Variants in GPD1L observed in about 807,000 individuals in gnomAD.
The protein encoded by GPD1L is glycerol-3-phosphate dehydrogenase 1-like protein.
In GPD1L, 17 loss-of-function variants were observed where a neutral mutation model predicts 32.9. The ratio of observed to expected loss-of-function variants is 0.52; its 90% confidence interval spans 0.35 to 0.78. The LOEUF (loss-of-function observed/expected upper bound fraction) is 0.78. Ranked by LOEUF, GPD1L falls within the 30% of genes least tolerant of loss-of-function variation. GPD1L has a pLI of 0.01. For synonymous variants in GPD1L, 187 were observed against 165.9 expected, an observed-to-expected ratio of 1.13 and a Z score of -0.98; for missense variants, 361 against 447.8, an observed-to-expected ratio of 0.81 and a Z score of 1.75.
intron 1 of GPD1L, among the ~76,000 whole-genome samples, chr3:32,118,804 G>A (rs1273326288): frequency 6.6e-5 from 10 of 152,054 alleles, no homozygotes; most frequent in African/African-American, 1.2e-4. Context: ...TGGAAACCAC[G>A]CTTCTACTTT....
At chr3:32,128,413 G>A (rs532289551) in intron 2 of GPD1L, among the ~76,000 whole-genome samples, 160 bp downstream of exon 2, 1 of 152,224 alleles carries the variant, frequency 6.6e-6, no homozygotes, top group Non-Finnish European at 1.5e-5. Context: ...TCTGAAAATG[G>A]GTTTCCTATT....
Position 32,159,617 on chromosome 3 carries a change from G to A in GPD1L, c.902G>A (p.Gly301Glu), listed in dbSNP as rs757152405. The A allele has an allele frequency of 6.2e-7, 1 of 1,613,286 alleles. No individual in the cohort carries two copies. Among genetic ancestry groups the A allele is most frequent in the South Asian group, 1.1e-5 (1 of 91,066 alleles). The change falls in exon 7 of 8, where the codon GGA becomes GAA. Residue 301 changes from glycine (G) to glutamate (E), a missense_variant. Coordinates refer to ENST00000282541, the MANE Select transcript of GPD1L (RefSeq NM_015141.4). ...ATGCTGAATGGGCAAAAGCTCCAAG[G>A]ACCGCAGACTTCTGCTGAAGTGTAC... ...KEMLNGQKLQ[G>E]PQTSAEVYRI...
intron 5 of GPD1L, chr3:32,151,084 T>G (rs190571261): frequency 1.9e-4 from 76 of 394,444 alleles, no homozygotes; most frequent in Non-Finnish European, 3.3e-4. Flanking sequence ...TCACACCTAT[T>G]ATGCATGAAT....
rs1452790694 is a variant in GPD1L, at chr3:32,168,335, C to G, written c.*2425C>G. ...TCACATTTCTTATGAAGTATGGTAA[C>G]AGGGAGGGAGACACCTAGATTAGCA... On this transcript the variant is annotated 3_prime_UTR_variant, in exon 8 of 8. Transcript: ENST00000282541. 6.6e-6 allele frequency: 1 copy of G among 152,630 alleles called. No homozygotes were observed. Among genetic ancestry groups the G allele is most frequent in the Non-Finnish European group, 1.5e-5 (1 of 68,048 alleles). 9.5% of individuals were successfully genotyped at this position (152,630 alleles called of 1,614,324 possible). A position where few individuals can be genotyped will look rare whatever the true frequency, so the allele number is the denominator to read the frequency against.
rs1269457303 is a variant in GPD1L at position 32,167,822 on chromosome 3, A to T, written c.*1912A>T. The T allele has an allele frequency of 2.0e-5, 3 of 152,206 alleles. No individual in the cohort carries two copies. The highest frequency in any genetic ancestry group is 4.4e-5 in the Non-Finnish European group (3 of 68,038). 9.4% of individuals were successfully genotyped at this position (152,206 alleles called of 1,614,324 possible). On this transcript the variant is annotated 3_prime_UTR_variant, in exon 8 of 8. Transcript: ENST00000282541. ...GGGAATTTTAAAAACTCTATCCAAAACATTTTTGGAGCATTTTAAAGCCCC... is the reference window on the plus strand; with the variant it reads ...GGGAATTTTAAAAACTCTATCCAAATCATTTTTGGAGCATTTTAAAGCCCC...
intron 5 of GPD1L, among the ~76,000 whole-genome samples, chr3:32,155,303 G>A (rs1700972336): frequency 6.6e-6 from 1 of 152,168 alleles, no homozygotes; most frequent in Non-Finnish European, 1.5e-5. Context: ...GAAATAGGAG[G>A]ATAGGTACAT....
At chr3:32,123,816 A>AGATAGAT (rs1195140546) in intron 1 of GPD1L, among the ~76,000 whole-genome samples, 149 of 143,772 alleles carry the variant, frequency 1.0e-3, no homozygotes, top group African/African-American at 3.5e-3. Context: ...ATAGATAGAT[A>AGATAGAT]GATAGATAGA....
intron 4 of GPD1L, among the ~76,000 whole-genome samples, chr3:32,141,088 G>A (rs1172305555): frequency 6.6e-6 from 1 of 152,158 alleles, no homozygotes; most frequent in Non-Finnish European, 1.5e-5. Flanking sequence ...ATCTACCACT[G>A]CAGAACTTAC....
At chr3:32,154,531 T>C (rs12715198) in intron 5 of GPD1L, among the ~76,000 whole-genome samples, 83,126 of 151,890 alleles carry the variant, frequency 0.55, 24,594 homozygotes, top group East Asian at 0.86. Flanking sequence ...GGCCTCTCTG[T>C]GCCTTTCACT....
chr3:32,131,324 T>G (rs1185291212), intron 2 of GPD1L, among the ~76,000 whole-genome samples: 3 of 152,220 alleles, frequency 2.0e-5, no homozygotes, highest in Non-Finnish European at 4.4e-5. Context: ...TACATAGCTG[T>G]GCAGCCATCA....
intron 1 of GPD1L, among the ~76,000 whole-genome samples, chr3:32,116,896 A>G (rs1700339653): frequency 2.0e-5 from 3 of 152,168 alleles, no homozygotes; most frequent in African/African-American, 7.2e-5. Context: ...TCCTTATTTT[A>G]TAATAAGTCT....
At position 32,155,758 on chromosome 3, in the gene GPD1L, T is replaced by C. The variant is rs74627304; in HGVS notation, c.619-3118T>C. ...GTGCAGGCTACAATTGCACCAACTT[T>C]CCTGAAAGAATGTCAATACTAGAAG... On this transcript the variant is annotated intron_variant, in intron 5 of 7. Coordinates refer to ENST00000282541, the MANE Select transcript of GPD1L (RefSeq NM_015141.4). Among the ~76,000 whole-genome samples the C allele has an allele frequency of 1.1e-3, 163 of 152,222 alleles. 1 individual carries two copies. The highest frequency in any genetic ancestry group is 3.7e-3 in the African/African-American group (155 of 41,536).
chr3:32,110,957 C>G (rs1293814064), intron 1 of GPD1L, among the ~76,000 whole-genome samples: 1 of 152,216 alleles, frequency 6.6e-6, no homozygotes, highest in Non-Finnish European at 1.5e-5. Flanking sequence ...CCTCCATCTG[C>G]TGGGTTCTAG....
chr3:32,107,257 C>T (rs1385840615), intron 1 of GPD1L, among the ~76,000 whole-genome samples: 1 of 152,148 alleles, frequency 6.6e-6, no homozygotes, highest in Non-Finnish European at 1.5e-5. Flanking sequence ...GCCCGTCTCG[C>T]CCCCGCTTCT....
intron 1 of GPD1L, among the ~76,000 whole-genome samples, chr3:32,114,211 C>T (rs1156316769): frequency 2.6e-5 from 4 of 152,242 alleles, no homozygotes; most frequent in African/African-American, 7.2e-5. Flanking sequence ...GGGCAGGCTT[C>T]AGCCAGCGTG....
rs72552291 is a variant in GPD1L at position 32,159,096 on chromosome 3, C to T, written c.839C>T (p.Ala280Val). The T allele has an allele frequency of 8.4e-5, 135 of 1,613,366 alleles. 1 individual carries two copies. The Middle Eastern group carries it at 1.3e-3, about 16-fold the overall frequency. Residue 280 changes from alanine to valine, a missense_variant, in exon 6 of 8, where the codon GCC becomes GTC. Physicochemically the swap from Ala to Val is moderately conservative, Grantham distance 64. Transcript: ENST00000282541. ...GRNRRVAEAF[A>V]RTGKTIEELE... ...AACCGCAGGGTGGCCGAGGCCTTCG[C>T]CAGAACTGGGAAGGTAGCCCCTCAC...
rs1026591076 is a variant in GPD1L at position 32,118,090 on chromosome 3, G to C, written c.48-9986G>C. The stretch of plus-strand genomic sequence containing the variant: ...ACTTAGGGGGCATCTGTGGATTTCA[G>C]TTAAACCTCCATAGCTTCTATTTTC... On this transcript the variant is annotated intron_variant, in intron 1 of 7. Transcript: ENST00000282541. 2.0e-5 allele frequency among the ~76,000 whole-genome samples: 3 copies of C among 152,174 alleles called. No homozygotes were observed. The South Asian group carries it at 6.2e-4, about 32-fold the overall frequency.
chr3:32,114,859 T>C (rs1700303380), intron 1 of GPD1L, among the ~76,000 whole-genome samples: 2 of 152,196 alleles, frequency 1.3e-5, no homozygotes, highest in Non-Finnish European at 2.9e-5. Flanking sequence ...TTACAGCTCT[T>C]AAAGGTGGCG....
chr3:32,141,068 G>A (rs1700735569), intron 4 of GPD1L, among the ~76,000 whole-genome samples: 1 of 152,142 alleles, frequency 6.6e-6, no homozygotes, highest in Non-Finnish European at 1.5e-5. Context: ...CAGATGCTTT[G>A]CAAAAGTTTA....
Sources: allele counts gnomAD v4.1 joint callset (sites outside exome capture counted in the v4.1 genomes callset), GRCh38; gene constraint gnomAD v4.1.1; transcripts MANE v1.5; gene names NCBI Gene and HGNC (gene_info 2026-07-23, HGNC 2026-07-21).